Variants in LEMD1 observed in about 807,000 individuals in gnomAD.
LEMD1 encodes LEM domain-containing protein 1.
LEMD1 carries 18 observed loss-of-function variants against 17.4 expected under a neutral mutation model. That is an observed-to-expected ratio of 1.04 (90% confidence interval 0.72 to 1.54). The LOEUF (loss-of-function observed/expected upper bound fraction) is 1.54. Ranked by LOEUF, LEMD1 falls within the 40% of genes most tolerant of loss-of-function variation. The pLI is 0.00. For synonymous variants in LEMD1, 88 were observed against 77.8 expected, an observed-to-expected ratio of 1.13 and a Z score of -0.69; for missense variants, 195 against 210.4, an observed-to-expected ratio of 0.93 and a Z score of 0.45.
chr1:205,395,594 C>CAAAAAAAAAA (rs11365761), intron 4 of LEMD1, among the ~76,000 whole-genome samples: 1 of 129,230 alleles, frequency 7.7e-6, no homozygotes, highest in Admixed American at 7.7e-5. Context: ...AATTCTGTCT[C>CAAAAAAAAAA]AAAAAAAAAA....
chr1:205,433,740 A>T (rs1405467948), intron 1 of LEMD1, among the ~76,000 whole-genome samples: 3 of 152,118 alleles, frequency 2.0e-5, no homozygotes, highest in Non-Finnish European at 2.9e-5. Flanking sequence ...CTTAACAAAC[A>T]CTTAGTGAGC....
intron 1 of LEMD1, among the ~76,000 whole-genome samples, chr1:205,438,108 C>T (rs564799180): frequency 1.3e-5 from 2 of 152,186 alleles, no homozygotes; most frequent in African/African-American, 4.8e-5. Context: ...CACAAGGACC[C>T]CAAGCACCCT....
intron 4 of LEMD1, chr1:205,386,690 A>G (rs1664046724): frequency 6.6e-6 from 1 of 152,212 alleles, no homozygotes; most frequent in African/African-American, 2.4e-5. Flanking sequence ...GTTGTGCACC[A>G]TGCAAGAGTG....
chr1:205,392,538 C>T (rs1664393043), intron 4 of LEMD1, among the ~76,000 whole-genome samples: 1 of 150,566 alleles, frequency 6.6e-6, no homozygotes, highest in South Asian at 2.1e-4. Flanking sequence ...TGAAATCCCG[C>T]CTTAAAAAAA....
At chr1:205,419,414 T>C in intron 2 of LEMD1, 62 bp from the exon 3 acceptor site, 1 of 1,542,920 alleles carries the variant, frequency 6.5e-7, no homozygotes, top group Non-Finnish European at 8.9e-7. Flanking sequence ...GCCTACTAGG[T>C]TCAAGGTATT....
In LEMD1 at chr1:205,420,447, G is replaced by A. The variant is rs994791870; in HGVS notation, c.82+8C>T. 7.5e-6 allele frequency: 12 copies of A among 1,605,688 alleles called. No homozygotes were observed. The highest frequency in any genetic ancestry group is 1.3e-5 in the African/African-American group (1 of 74,636). ...AAGTCTGTAATATTTGCTGCATACT[G>A]TACATACGTAGTATTGGGCCAGGTG... On this transcript the variant is annotated splice_region_variant and intron_variant, in intron 2 of 5. Coordinates refer to ENST00000367153, the MANE Select transcript of LEMD1 (RefSeq NM_001199050.2).
upstream of LEMD1, among the ~76,000 whole-genome samples, chr1:205,422,974 G>C (rs1305913010): frequency 6.6e-6 from 1 of 152,166 alleles, no homozygotes; most frequent in Non-Finnish European, 1.5e-5. Context: ...TATTCAATGA[G>C]TTATAATACA....
intron 4 of LEMD1, among the ~76,000 whole-genome samples, chr1:205,390,585 A>T (rs533848925): frequency 6.6e-6 from 1 of 152,358 alleles, no homozygotes; most frequent in South Asian, 2.1e-4. Flanking sequence ...AATTAAAGCT[A>T]TACAAACCAG....
At position 205,393,675 on chromosome 1, in the gene LEMD1, TAA is replaced by T. The variant is rs11339751; in HGVS notation, c.271-9313_271-9312del. On this transcript the variant is annotated intron_variant, in intron 4 of 5. Coordinates refer to ENST00000367153, the MANE Select transcript of LEMD1 (RefSeq NM_001199050.2). ...TGGGTGACAGAGAGAGACTCTGTCT[TAA>T]AAAAAAAAAAAGGAAAATAGCAAGT... Among the ~76,000 whole-genome samples the T allele has an allele frequency of 5.6e-3, 826 of 146,358 alleles. 3 individuals are homozygous for T. The highest frequency in any genetic ancestry group is 0.024 in the East Asian group (122 of 5,008).
At chr1:205,397,152 G>A (rs575764125) in intron 4 of LEMD1, among the ~76,000 whole-genome samples, 55 of 152,200 alleles carry the variant, frequency 3.6e-4, no homozygotes, top group Non-Finnish European at 6.5e-4. Context: ...CTTTGCTTCC[G>A]CGGGAAAACA....
intron 1 of LEMD1, 99 bp from the exon 2 acceptor site, chr1:205,420,673 C>T (rs1259399185): frequency 1.3e-5 from 9 of 673,592 alleles, no homozygotes; most frequent in Non-Finnish European, 2.1e-5. Context: ...ATCTCCCCAA[C>T]CTCCTAGGTG....
chr1:205,441,175 C>G lies in LEMD1; in HGVS notation c.-39+8693G>C, dbSNP rs1575008269. ...GGGTCTGGCCCAGTCATTGCCACTC[C>G]CTGAGGCGGCCCGCTAGGTCTCTCA... On this transcript the variant is annotated intron_variant, in intron 1 of 3. Coordinates refer to the LEMD1 transcript ENST00000367154. The surrounding 1 kb of genome is among the most constrained non-coding windows in gnomAD (Gnocchi z 4.3). The G allele has an allele frequency of 6.6e-6, 1 of 152,384 alleles. No individual in the cohort carries two copies. The highest frequency in any genetic ancestry group is 2.4e-5 in the African/African-American group (1 of 41,534). The allele number at this position is 152,384 out of a possible 1,614,324, so 9.4% of individuals were successfully genotyped here. A position where few individuals can be genotyped will look rare whatever the true frequency, so the allele number is the denominator to read the frequency against.
Position 205,411,671 on chromosome 1 carries a change from A to AAAGAAAAG in LEMD1, c.270+4560_270+4561insCTTTTCTT, listed in dbSNP as rs952549403. Among the ~76,000 whole-genome samples the AAAGAAAAG allele has an allele frequency of 5.2e-3, 759 of 146,136 alleles. 5 individuals are homozygous for AAAGAAAAG. Among genetic ancestry groups the AAAGAAAAG allele is most frequent in the East Asian group, 0.016 (75 of 4,730 alleles). On this transcript the variant is annotated intron_variant, in intron 4 of 5. Transcript: ENST00000367153. ...AAAGAAAGGAAAGAAAGAAAGAAAG[A>AAAGAAAAG]AAAGAAAGAAAGAAAGAAAGAAAGA...
intron 1 of LEMD1, among the ~76,000 whole-genome samples, chr1:205,439,756 AT>A (rs1666262963): frequency 1.3e-5 from 2 of 152,088 alleles, no homozygotes; most frequent in South Asian, 4.1e-4. Context: ...TGCCTGAAGC[AT>A]CTCTGCTGCT....
intron 4 of LEMD1, among the ~76,000 whole-genome samples, chr1:205,397,695 A>T (rs1367867718): frequency 1.3e-5 from 2 of 152,192 alleles, no homozygotes; most frequent in Admixed American, 6.5e-5. Flanking sequence ...ATTAAAAATA[A>T]CTCAAGGGTG....
At chr1:205,407,563 T>C (rs917861879) in intron 4 of LEMD1, among the ~76,000 whole-genome samples, 1 of 152,164 alleles carries the variant, frequency 6.6e-6, no homozygotes, top group Non-Finnish European at 1.5e-5. Context: ...ATGGAAACTC[T>C]GCGTCTCTTG....
chr1:205,419,402 G>C, intron 2 of LEMD1, 50 bp from the exon 3 acceptor site: 1 of 1,601,094 alleles, frequency 6.2e-7, no homozygotes, highest in South Asian at 1.1e-5. Context: ...TTTTGTATAT[G>C]AGCCTACTAG....
At chr1:205,426,492 G>A (rs1666056726), upstream of LEMD1, among the ~76,000 whole-genome samples, 1 of 152,196 alleles carries the variant, frequency 6.6e-6, no homozygotes, top group Non-Finnish European at 1.5e-5. Flanking sequence ...CTGGTTGGGG[G>A]TGGTGTTGTT....
At chr1:205,407,103 G>A (rs183681231) in intron 4 of LEMD1, among the ~76,000 whole-genome samples, 14 of 152,036 alleles carry the variant, frequency 9.2e-5, no homozygotes, top group Admixed American at 7.2e-4. Flanking sequence ...AGCCTGAGGC[G>A]GGTGGATCAC....
Sources: allele counts gnomAD v4.1 joint callset (sites outside exome capture counted in the v4.1 genomes callset), GRCh38; gene constraint gnomAD v4.1.1; non-coding constraint Gnocchi (gnomAD v3.1); transcripts MANE v1.5; gene names NCBI Gene and HGNC (gene_info 2026-07-23, HGNC 2026-07-21).